Variants in ATG7 observed in about 807,000 individuals in gnomAD.
ATG7 encodes the protein ubiquitin-like modifier-activating enzyme ATG7.
In ATG7, 70 loss-of-function variants were observed where a neutral mutation model predicts 82.4. That is an observed-to-expected ratio of 0.85 (90% confidence interval 0.70 to 1.04). ATG7 has a LOEUF of 1.04. Ranked by LOEUF, ATG7 falls within the 50% of genes least tolerant of loss-of-function variation. ATG7 has a pLI of 0.00. For missense variants in ATG7, 792 were observed against 864.3 expected, an observed-to-expected ratio of 0.92 and a Z score of 1.05; for synonymous variants, 287 against 313.0, an observed-to-expected ratio of 0.92 and a Z score of 0.88.
chr3:11,439,634 G>A (rs1298924583), intron 20 of ATG7, among the ~76,000 whole-genome samples: 2 of 152,164 alleles, frequency 1.3e-5, no homozygotes, highest in Non-Finnish European at 2.9e-5. Flanking sequence ...CAAGGCAGTG[G>A]GTGTGCACGT....
intron 20 of ATG7, among the ~76,000 whole-genome samples, chr3:11,455,734 T>C (rs2085643077): frequency 6.6e-6 from 1 of 152,160 alleles, no homozygotes; most frequent in Admixed American, 6.5e-5. Flanking sequence ...CTAATATCTT[T>C]AGTTCTACAG....
Position 11,411,619 on chromosome 3 carries a change from C to CAAAAAAAAAAAAAAAA in ATG7, c.1957-15171_1957-15156dup, listed in dbSNP as rs71055868. The stretch of plus-strand genomic sequence containing the variant: ...TGGTGACACAGCAAGACTCTGTCTC[C>CAAAAAAAAAAAAAAAA]AAAAAAAAAAAAAAAAAAAAAAAAA... On this transcript the variant is annotated intron_variant, in intron 19 of 20. Coordinates refer to ENST00000693202, the MANE Select transcript of ATG7 (RefSeq NM_001349232.2). 1.1e-4 allele frequency among the ~76,000 whole-genome samples: 8 copies of CAAAAAAAAAAAAAAAA among 71,758 alleles called. 1 individual carries two copies. The highest frequency in any genetic ancestry group is 1.8e-4 in the Non-Finnish European group (6 of 34,088). The allele number at this position is 71,758 out of a possible 152,430, so 47.1% of individuals were successfully genotyped here.
Position 11,557,233 on chromosome 3 carries a change from A to AT in ATG7, c.*2391dup. The stretch of plus-strand genomic sequence containing the variant: ...TAATTTCTAGTTAGTAGCTATTAAT[A>AT]TAGCAAATAATAAATGCAGTAATAA... On this transcript the variant is annotated 3_prime_UTR_variant, in exon 21 of 21. Coordinates refer to ENST00000693202, the MANE Select transcript of ATG7 (RefSeq NM_001349232.2). 6.5e-6 allele frequency: 1 copy of AT among 152,826 alleles called. No individual in the cohort carries two copies. The highest frequency in any genetic ancestry group is 1.5e-5 in the Non-Finnish European group (1 of 68,054). 9.5% of individuals were successfully genotyped at this position (152,826 alleles called of 1,614,324 possible). A position where few individuals can be genotyped will look rare whatever the true frequency, so the allele number is the denominator to read the frequency against.
intron 3 of ATG7, among the ~76,000 whole-genome samples, chr3:11,284,901 C>T (rs1943701399): frequency 6.8e-6 from 1 of 147,666 alleles, no homozygotes; most frequent in African/African-American, 2.5e-5. Context: ...GGCTGGAGTG[C>T]AGGTGCGCAA....
At chr3:11,397,831 C>T (rs1008603685) in intron 19 of ATG7, among the ~76,000 whole-genome samples, 3 of 149,398 alleles carry the variant, frequency 2.0e-5, no homozygotes, top group Admixed American at 1.3e-4. Flanking sequence ...ACCTGTAATC[C>T]CGGCACTCTG....
intron 20 of ATG7, among the ~76,000 whole-genome samples, chr3:11,460,614 CAGA>C (rs1337710100): frequency 6.6e-6 from 1 of 152,196 alleles, no homozygotes; most frequent in South Asian, 2.1e-4. Context: ...TAGCAATTCA[CAGA>C]ATTCATTCCA....
chr3:11,299,869 G>T (rs1471531276), intron 5 of ATG7, among the ~76,000 whole-genome samples: 1 of 151,884 alleles, frequency 6.6e-6, no homozygotes, highest in African/African-American at 2.4e-5. Context: ...ATATATCCTT[G>T]AAGAATTTTT....
intron 18 of ATG7, 145 bp downstream of exon 18, chr3:11,364,879 C>CACCT: frequency 1.3e-6 from 1 of 786,130 alleles, no homozygotes; most frequent in Non-Finnish European, 2.0e-6. Flanking sequence ...GCTTTCTGAC[C>CACCT]ACCTGGAAGG....
intron 20 of ATG7, among the ~76,000 whole-genome samples, chr3:11,533,832 A>G (rs909663758): frequency 6.6e-6 from 1 of 152,170 alleles, no homozygotes; most frequent in African/African-American, 2.4e-5. Context: ...AAAACTCTGA[A>G]TTGTTTATAA....
chr3:11,519,321 T>C (rs2092369420), intron 20 of ATG7, among the ~76,000 whole-genome samples: 1 of 152,118 alleles, frequency 6.6e-6, no homozygotes, highest in African/African-American at 2.4e-5. Flanking sequence ...AGGAAATAAA[T>C]AGGCGAAGGT....
intron 20 of ATG7, among the ~76,000 whole-genome samples, chr3:11,438,118 C>A (rs972828733): frequency 3.3e-5 from 5 of 152,160 alleles, no homozygotes; most frequent in Non-Finnish European, 5.9e-5. Flanking sequence ...TGGGGAGACA[C>A]AATTACCCTA....
intron 6 of ATG7, among the ~76,000 whole-genome samples, 182 bp downstream of exon 6, chr3:11,307,242 A>C (rs1947899526): frequency 6.6e-6 from 1 of 152,220 alleles, no homozygotes; most frequent in African/African-American, 2.4e-5. Flanking sequence ...CTGTATTGGC[A>C]GGAAGGTCAG....
chr3:11,536,803 C>T (rs2070344803), intron 20 of ATG7, among the ~76,000 whole-genome samples: 1 of 152,178 alleles, frequency 6.6e-6, no homozygotes, highest in South Asian at 2.1e-4. Flanking sequence ...GGCCACACCC[C>T]TCTCTGAGCC....
intron 20 of ATG7, among the ~76,000 whole-genome samples, chr3:11,492,481 C>A (rs904097752): frequency 1.3e-5 from 2 of 152,232 alleles, no homozygotes; most frequent in African/African-American, 4.8e-5. Flanking sequence ...GCCATCTTGG[C>A]TCCAGCCCCT....
intron 20 of ATG7, among the ~76,000 whole-genome samples, chr3:11,484,594 C>G (rs2089410225): frequency 6.6e-6 from 1 of 152,038 alleles, no homozygotes; most frequent in East Asian, 1.9e-4. Context: ...TACATGTGCA[C>G]AATGTGCAGG....
At chr3:11,365,902 C>G (rs969083115) in intron 18 of ATG7, among the ~76,000 whole-genome samples, 1 of 152,056 alleles carries the variant, frequency 6.6e-6, no homozygotes, top group African/African-American at 2.4e-5. Context: ...GGTACCCCAG[C>G]CCCCTTGCAC....
At chr3:11,391,976 A>T (rs530126022) in intron 19 of ATG7, among the ~76,000 whole-genome samples, 2 of 147,570 alleles carry the variant, frequency 1.4e-5, no homozygotes, top group African/African-American at 2.5e-5. Flanking sequence ...GGGTAATTTC[A>T]CTTTAAATTT....
chr3:11,333,748 CTTTT>C (rs770412107), intron 11 of ATG7, among the ~76,000 whole-genome samples: 2 of 138,218 alleles, frequency 1.4e-5, no homozygotes. Flanking sequence ...GGATATATTT[CTTTT>C]TTTTTTTTTT....
intron 5 of ATG7, among the ~76,000 whole-genome samples, chr3:11,305,107 C>A (rs746020287): frequency 1.7e-4 from 26 of 152,212 alleles, no homozygotes; most frequent in Admixed American, 1.3e-4. Context: ...CCATAGGAAA[C>A]TAAACTAGGA....
Sources: gnomAD v4.1 joint callset for allele counts (sites outside exome capture counted in the v4.1 genomes callset) on GRCh38, gnomAD v4.1.1 for gene constraint, MANE v1.5 for transcripts, NCBI Gene and HGNC (gene_info 2026-07-23, HGNC 2026-07-21) for gene names.